FRMD6: variants seen among roughly 807,000 people sequenced by gnomAD.
The protein encoded by FRMD6 is FERM domain containing 6, also known as FERM domain-containing protein 6.
In FRMD6, 37 loss-of-function variants were observed where a neutral mutation model predicts 73.2. That is an observed-to-expected ratio of 0.51 (90% CI 0.39 to 0.66). The LOEUF (loss-of-function observed/expected upper bound fraction) is 0.66, where lower values mean the gene tolerates loss of function less well. FRMD6 is among the 30% of genes least tolerant of loss of function. The pLI, the probability that FRMD6 is intolerant of heterozygous loss-of-function variation, is 0.00. For missense variants in FRMD6, 714 were observed against 780.5 expected (o/e 0.91, Z 1.02); for synonymous variants, 273 against 282.2 (o/e 0.97, Z 0.33).
the FRMD6 span, among the ~76,000 whole-genome samples, chr14:51,476,414 C>T: frequency 4.4e-4 from 67 of 152,284 alleles, no homozygotes; most frequent in African/African-American, 1.4e-3. Flanking sequence ...TGCTGAGACA[C>T]CTGAACAAGC....
chr14:51,549,878 G>A (rs147882468), intron 1 of FRMD6, among the ~76,000 whole-genome samples: 56 of 152,058 alleles, frequency 3.7e-4, no homozygotes, highest in Middle Eastern at 6.8e-3. Context: ...TACAGGCGTG[G>A]GCCACCGCGC....
At chr14:51,727,612 A>T (rs755075610) in intron 13 of FRMD6, 133 bp from the exon 14 acceptor site, 21 of 778,636 alleles carry the variant, frequency 2.7e-5, no homozygotes, top group Non-Finnish European at 4.3e-5. Context: ...CAGCCCAGAA[A>T]CCACAGATTG....
the FRMD6 span, among the ~76,000 whole-genome samples, chr14:51,441,469 C>T: frequency 2.0e-5 from 3 of 152,338 alleles, no homozygotes; most frequent in African/African-American, 7.2e-5. Flanking sequence ...CTGTATCCTA[C>T]TTTCACTAAA....
intron 1 of FRMD6, among the ~76,000 whole-genome samples, chr14:51,570,147 T>A (rs1012249105): frequency 6.6e-6 from 1 of 152,150 alleles, no homozygotes. Context: ...AGAATTTTCT[T>A]TTTAACTTGT....
intron 1 of FRMD6, among the ~76,000 whole-genome samples, chr14:51,668,641 G>C (rs1286566147): frequency 6.7e-6 from 1 of 150,014 alleles, no homozygotes; most frequent in Non-Finnish European, 1.5e-5. Context: ...AATGCAGGAG[G>C]CTGTGAAGCT....
At chr14:51,415,482 C>G in the FRMD6 span, among the ~76,000 whole-genome samples, 1 of 152,278 alleles carries the variant, frequency 6.6e-6, no homozygotes, top group Non-Finnish European at 1.5e-5. Flanking sequence ...TTGAACCAGC[C>G]TTGCATCCCA....
At chr14:51,471,067 A>C in the FRMD6 span, among the ~76,000 whole-genome samples, 1 of 152,158 alleles carries the variant, frequency 6.6e-6, no homozygotes, top group Non-Finnish European at 1.5e-5. Context: ...TTTTTCTATG[A>C]ATTGCTTACT....
At chr14:51,607,184 T>C (rs1350270569) in intron 2 of FRMD6, among the ~76,000 whole-genome samples, 1 of 152,100 alleles carries the variant, frequency 6.6e-6, no homozygotes, top group African/African-American at 2.4e-5. Flanking sequence ...CCCAGCCAAG[T>C]TGACACCTAA....
intron 10 of FRMD6, among the ~76,000 whole-genome samples, chr14:51,718,615 G>A (rs1247733540): frequency 6.6e-6 from 1 of 152,222 alleles, no homozygotes; most frequent in African/African-American, 2.4e-5. Context: ...GATGGGGATT[G>A]TTAGGCCCCA....
At chr14:51,660,845 A>AAG (rs1594679988) in intron 1 of FRMD6, among the ~76,000 whole-genome samples, 1 of 152,064 alleles carries the variant, frequency 6.6e-6, no homozygotes, top group African/African-American at 2.4e-5. Context: ...TTGAAGGAGG[A>AAG]AGAGAGCCAC....
the FRMD6 span, among the ~76,000 whole-genome samples, chr14:51,470,483 G>A: frequency 6.6e-6 from 1 of 151,934 alleles, no homozygotes; most frequent in Non-Finnish European, 1.5e-5. Flanking sequence ...CTGGGCAACA[G>A]AGCGAGACTC....
chr14:51,628,978 G>A (rs1240934361), intron 2 of FRMD6, among the ~76,000 whole-genome samples: 1 of 143,216 alleles, frequency 7.0e-6, no homozygotes, highest in Non-Finnish European at 1.5e-5. Flanking sequence ...CCGGGTTCAC[G>A]CCATTCTCCT....
intron 2 of FRMD6, chr14:51,584,061 T>A (rs999888440): frequency 3.3e-5 from 5 of 152,222 alleles, no homozygotes; most frequent in Non-Finnish European, 7.3e-5. Flanking sequence ...ATTCATATAC[T>A]TATAACACTA....
the FRMD6 span, among the ~76,000 whole-genome samples, chr14:51,467,696 C>T: frequency 2.0e-5 from 3 of 151,832 alleles, no homozygotes; most frequent in South Asian, 2.1e-4. Context: ...GATGGGGTCG[C>T]GGCCTGGCAG....
At chr14:51,669,006 T>A (rs934484611) in intron 1 of FRMD6, among the ~76,000 whole-genome samples, 14 of 152,068 alleles carry the variant, frequency 9.2e-5, no homozygotes, top group Non-Finnish European at 2.1e-4. Context: ...TATGCAATAA[T>A]AAAATAAACA....
the FRMD6 span, among the ~76,000 whole-genome samples, chr14:51,482,674 C>CTGTGTGTGTGTGTGTGTGTGTG: frequency 2.7e-5 from 4 of 148,742 alleles, no homozygotes; most frequent in African/African-American, 1.0e-4. Flanking sequence ...TTTGCAGGAA[C>CTGTGTGTGTGTGTGTGTGTGTG]TGTGTGTGTG....
chr14:51,635,089 T>G (rs1566516327), intron 2 of FRMD6, among the ~76,000 whole-genome samples: 1 of 152,056 alleles, frequency 6.6e-6, no homozygotes, highest in Non-Finnish European at 1.5e-5. Context: ...TTACCAGTAT[T>G]AAGCAGGCAG....
chr14:51,590,412 AT>A (rs36032211), intron 2 of FRMD6, among the ~76,000 whole-genome samples: 3,859 of 148,502 alleles, frequency 0.026, 178 homozygotes, highest in African/African-American at 0.089. Flanking sequence ...GTACCCAGCA[AT>A]TTTTTTTTTT....
At chr14:51,533,170 T>C (rs1203970193) in intron 1 of FRMD6, among the ~76,000 whole-genome samples, 4 of 152,184 alleles carry the variant, frequency 2.6e-5, no homozygotes, top group African/African-American at 7.2e-5. Flanking sequence ...TTCAGAGGAA[T>C]TACAATGCCA....
Sources: gnomAD v4.1 joint callset for allele counts (sites outside exome capture counted in the v4.1 genomes callset) on GRCh38, gnomAD v4.1.1 for gene constraint, MANE v1.5 for transcripts, NCBI Gene and HGNC (gene_info 2026-07-23, HGNC 2026-07-21) for gene names.